The following RNF38 variants were observed in gnomAD, a reference collection of about 807,000 sequenced individuals.
RNF38 encodes the protein ring finger protein 38.
RNF38 carries 15 observed loss-of-function variants against 67.2 expected under a neutral mutation model. The ratio of observed to expected loss-of-function variants is 0.22; its 90% CI spans 0.15 to 0.34. The LOEUF (loss-of-function observed/expected upper bound fraction) is 0.34. RNF38 is among the 10% of genes least tolerant of loss of function. RNF38 has a pLI of 1.00. For missense variants in RNF38, 524 were observed against 639.9 expected (o/e 0.82, Z 1.95); for synonymous variants, 220 against 218.8 (o/e 1.01, Z -0.05).
chr9:36,359,670 C>T (rs1834376887), intron 4 of RNF38, among the ~76,000 whole-genome samples: 1 of 151,910 alleles, frequency 6.6e-6, no homozygotes, highest in South Asian at 2.1e-4. Context: ...TATTCACTTC[C>T]AAAACCCATT....
intron 9 of RNF38, among the ~76,000 whole-genome samples, chr9:36,348,184 T>TAAAGGC (rs994573105): frequency 6.6e-6 from 1 of 151,212 alleles, no homozygotes; most frequent in Non-Finnish European, 1.5e-5. Flanking sequence ...AACCATGTTC[T>TAAAGGC]AAAGGCAAAG....
chr9:36,478,170 C>A (rs1840164121), intron 1 of RNF38, among the ~76,000 whole-genome samples: 1 of 151,954 alleles, frequency 6.6e-6, no homozygotes, highest in South Asian at 2.1e-4. Flanking sequence ...CGTGGTAGCT[C>A]ACGCCTGTAA....
intron 1 of RNF38, among the ~76,000 whole-genome samples, chr9:36,464,147 G>T (rs529743271): frequency 2.6e-5 from 4 of 151,908 alleles, no homozygotes; most frequent in Admixed American, 2.6e-4. Context: ...CTGGGCGACA[G>T]AGCAAGACTC....
At chr9:36,475,886 G>A (rs1014803428) in intron 1 of RNF38, among the ~76,000 whole-genome samples, 3 of 150,854 alleles carry the variant, frequency 2.0e-5, no homozygotes, top group African/African-American at 7.3e-5. Flanking sequence ...CATGGTGGCT[G>A]TAGTCCCAGC....
At position 36,412,436 on chromosome 9, in the gene RNF38, T is replaced by C. The variant is rs537320782; in HGVS notation, n.312+12177A>G. 4.5e-4 allele frequency among the ~76,000 whole-genome samples: 68 copies of C among 152,338 alleles called. No homozygotes were observed. In the South Asian group the frequency reaches 0.014, roughly 31 times the overall value. ...TAACTACCCAATTACTTGCACAACA[T>C]GAATCTTGAAATGACCATGTGATAT... is the stretch of plus-strand genomic sequence containing the variant. On this transcript the variant is annotated intron_variant and non_coding_transcript_variant, in intron 2 of 3. Transcript: ENST00000488058.
At chr9:36,484,894 C>T (rs1840367895) in intron 1 of RNF38, among the ~76,000 whole-genome samples, 1 of 152,096 alleles carries the variant, frequency 6.6e-6, no homozygotes, top group African/African-American at 2.4e-5. Flanking sequence ...TGGCCGGGCG[C>T]GGTGGCTCAC....
rs760831215 is a variant in RNF38 at position 36,357,825 on chromosome 9, A to G, written c.688T>C (p.Ser230Pro). Residue 230 changes from serine to proline, a missense_variant, in exon 5 of 12, where the codon TCT (serine) becomes CCT (proline). Transcript: ENST00000259605. ...ACSTQQVPGCSVVFSGQHLPV... is the reference protein window; with the variant it reads ...ACSTQQVPGCPVVFSGQHLPV... ...AGGTGCTGTCCACTGAAAACCACAG[A>G]GCATCCTGGGACCTGCTGTGTACTA... 1 of 1,613,946 alleles carries G rather than the reference A, an allele frequency of 6.2e-7. No individual in the cohort carries two copies. Among genetic ancestry groups the G allele is most frequent in the Non-Finnish European group, 8.5e-7 (1 of 1,179,948 alleles).
At chr9:36,350,852 A>AT (rs753838247) in intron 9 of RNF38, among the ~76,000 whole-genome samples, 6 of 152,242 alleles carry the variant, frequency 3.9e-5, no homozygotes, top group Non-Finnish European at 8.8e-5. Flanking sequence ...CATGGCTTGC[A>AT]TGTGACCCAG....
chr9:36,454,580 CTT>C (rs377679133), intron 1 of RNF38, among the ~76,000 whole-genome samples: 1,205 of 112,412 alleles, frequency 0.011, 3 homozygotes, highest in African/African-American at 0.039. Flanking sequence ...CATTAATTTA[CTT>C]TTTTTTTTTT....
intron 4 of RNF38, among the ~76,000 whole-genome samples, chr9:36,368,763 G>A (rs1835156834): frequency 6.6e-6 from 1 of 152,102 alleles, no homozygotes; most frequent in Non-Finnish European, 1.5e-5. Flanking sequence ...TGCAGTAGAT[G>A]AAAATTGAGA....
At chr9:36,442,709 G>A (rs1839219781) in intron 1 of RNF38, among the ~76,000 whole-genome samples, 1 of 152,220 alleles carries the variant, frequency 6.6e-6, no homozygotes, top group Admixed American at 6.5e-5. Flanking sequence ...AACCTGGAAA[G>A]CAGAGGTTGC....
At chr9:36,448,973 G>A (rs971186459) in intron 1 of RNF38, among the ~76,000 whole-genome samples, 6 of 152,032 alleles carry the variant, frequency 3.9e-5, no homozygotes, top group Non-Finnish European at 7.4e-5. Context: ...CAGCCTGGGC[G>A]ACAAAGCGAG....
At chr9:36,402,624 A>C (rs528739355), upstream of RNF38, among the ~76,000 whole-genome samples, 1 of 152,310 alleles carries the variant, frequency 6.6e-6, no homozygotes, top group African/African-American at 2.4e-5. Flanking sequence ...AAGGGAAGTT[A>C]CATTTGGGAG....
chr9:36,379,269 T>C (rs527970151), intron 2 of RNF38, among the ~76,000 whole-genome samples: 33 of 152,350 alleles, frequency 2.2e-4, no homozygotes, highest in African/African-American at 7.7e-4. Context: ...CATTAAAAAG[T>C]AGTTTGCTAC....
intron 6 of RNF38, among the ~76,000 whole-genome samples, chr9:36,354,050 C>G (rs1833900586): frequency 6.6e-6 from 1 of 152,158 alleles, no homozygotes; most frequent in African/African-American, 2.4e-5. Flanking sequence ...AAAAGGAATT[C>G]AACTGAATGG....
chr9:36,408,182 T>C (rs2134186707), intron 2 of RNF38, among the ~76,000 whole-genome samples: 1 of 152,188 alleles, frequency 6.6e-6, no homozygotes, highest in Non-Finnish European at 1.5e-5. Context: ...CACTGCCCCC[T>C]TGAATTCCTG....
At chr9:36,388,545 G>A (rs1428697946) in intron 2 of RNF38, among the ~76,000 whole-genome samples, 1 of 152,076 alleles carries the variant, frequency 6.6e-6, no homozygotes. Context: ...AGAAACAACA[G>A]TAAGAATCCA....
At chr9:36,403,373 T>C (rs962611957), upstream of RNF38, among the ~76,000 whole-genome samples, 4 of 152,234 alleles carry the variant, frequency 2.6e-5, no homozygotes, top group African/African-American at 9.6e-5. Context: ...GCTAGTGACA[T>C]GTAGCTACTG....
chr9:36,369,300 T>C (rs1326864206), intron 4 of RNF38, among the ~76,000 whole-genome samples: 1 of 152,238 alleles, frequency 6.6e-6, no homozygotes, highest in African/African-American at 2.4e-5. Flanking sequence ...TGGTGCGATC[T>C]TGACTCACTG....
Sources: gnomAD v4.1 joint callset for allele counts (sites outside exome capture counted in the v4.1 genomes callset) on GRCh38, gnomAD v4.1.1 for gene constraint, MANE v1.5 for transcripts, NCBI Gene and HGNC (gene_info 2026-07-23, HGNC 2026-07-21) for gene names.